The following PVALEF variants were observed in gnomAD, a reference collection of about 807,000 sequenced individuals.
PVALEF encodes parvalbumin like EF-hand containing.
A neutral mutation model predicts 1.2 loss-of-function variants in PVALEF; 2 were observed. The observed-to-expected ratio is 1.68, with a 90% CI of 0.69 to 5.28. The LOEUF is 5.28. Ranked by LOEUF, PVALEF falls within the 30% of genes most tolerant of loss-of-function variation. The probability of loss-of-function intolerance (pLI) is 0.06; values close to 1 mark genes in which losing one functional copy is unlikely to be tolerated. For synonymous variants in PVALEF, 16 were observed against 6.5 expected, an observed-to-expected ratio of 2.47 and a Z score of -2.24; for missense variants, 35 against 17.7, an observed-to-expected ratio of 1.97 and a Z score of -1.75.
In PVALEF at chr17:81,169,779, CAT is replaced by C. The variant is rs1483739439; in HGVS notation, c.-340+2938_-340+2939del. Among the ~76,000 whole-genome samples the C allele has an allele frequency of 2.0e-5, 3 of 151,890 alleles. No homozygotes were observed. In the South Asian group the frequency reaches 6.2e-4, roughly 32 times the overall value. On this transcript the variant is annotated intron_variant, in intron 2 of 6. Transcript: ENST00000637878. ...GTGTGTGTATGCATGTGTGTCTGTG[CAT>C]ATGTGTAGATGTGTGTGTCTTGGTA... is the stretch of plus-strand genomic sequence containing the variant.
intron 2 of PVALEF, among the ~76,000 whole-genome samples, chr17:81,174,714 C>G (rs2061531173): frequency 6.6e-6 from 1 of 152,074 alleles, no homozygotes; most frequent in Non-Finnish European, 1.5e-5. Context: ...CTTTGGGAGG[C>G]CAAGGCGGGT....
chr17:81,181,481 A>T, intron 4 of PVALEF, 78 bp from the exon 5 acceptor site: 1 of 493,184 alleles, frequency 2.0e-6, no homozygotes, highest in Non-Finnish European at 3.5e-6. Context: ...GGCAGCCCCC[A>T]TCCCAGGGCG....
intron 1 of PVALEF, 110 bp downstream of exon 1, chr17:81,165,857 C>T (rs1241725934): frequency 2.0e-6 from 3 of 1,532,598 alleles, no homozygotes; most frequent in Non-Finnish European, 2.6e-6. Flanking sequence ...TCCATGCAAA[C>T]CGGGAGCCGT....
Position 81,181,194 on chromosome 17 carries a change from C to A in PVALEF, c.-33C>A. ...GCACCCCCAATCCGTGCGTGCACCCCACGAATTGACTCCCTATCCACCCAG... is the reference window on the plus strand; with the variant it reads ...GCACCCCCAATCCGTGCGTGCACCCAACGAATTGACTCCCTATCCACCCAG... On this transcript the variant is annotated 5_prime_UTR_variant, in exon 4 of 7. Transcript: ENST00000637878. 1 of 703,116 alleles carries A rather than the reference C, an allele frequency of 1.4e-6. No individual in the cohort carries two copies. The highest frequency in any genetic ancestry group is 1.5e-5 in the South Asian group (1 of 67,416). The allele number at this position is 703,116 out of a possible 1,614,324, so 43.6% of individuals were successfully genotyped here.
At chr17:81,178,679 T>G (rs1362376608) in intron 2 of PVALEF, among the ~76,000 whole-genome samples, 1 of 151,502 alleles carries the variant, frequency 6.6e-6, no homozygotes, top group African/African-American at 2.4e-5. Flanking sequence ...GCACCAGAGC[T>G]GGGGGGGGCA....
intron 2 of PVALEF, among the ~76,000 whole-genome samples, chr17:81,169,987 T>C (rs1327726145): frequency 1.2e-5 from 1 of 84,608 alleles, no homozygotes; most frequent in African/African-American, 4.7e-5. Flanking sequence ...TGTGTGTGCA[T>C]GTGTGTGTGT....
chr17:81,179,086 G>A lies in PVALEF; in HGVS notation c.-171G>A. On this transcript the variant is annotated 5_prime_UTR_variant, in exon 3 of 7. Transcript: ENST00000637878. ...CAGGCTTGCAGGTATAAAAGCTGGA[G>A]CCCCTGGGCCTCTCCACACCCCAGC... 4.4e-6 allele frequency: 2 copies of A among 452,616 alleles called. No homozygotes were observed. Among genetic ancestry groups the A allele is most frequent in the Non-Finnish European group, 8.9e-6 (2 of 223,928 alleles). 28.0% of individuals were successfully genotyped at this position (452,616 alleles called of 1,614,324 possible).
rs1240782396 is a variant in PVALEF at position 81,178,963 on chromosome 17, GT to G, written c.-293del. The G allele has an allele frequency of 2.5e-6, 1 of 401,614 alleles. No homozygotes were observed. The highest frequency in any genetic ancestry group is 7.7e-5 in the East Asian group (1 of 12,998). The allele number at this position is 401,614 out of a possible 1,614,324, so 24.9% of individuals were successfully genotyped here. On this transcript the variant is annotated 5_prime_UTR_variant, in exon 3 of 7. The change creates a premature stop within an existing upstream ORF in the 5' untranslated region. Coordinates refer to ENST00000637878, the MANE Select transcript of PVALEF (RefSeq NM_001354639.2). ...GCTAAGGGTCAGTCTGCCCAGACCA[GT>G]GTGGACACACCAAGTGCCTGCGAGC...
chr17:81,179,202 C>T (rs1252127723), intron 3 of PVALEF, 50 bp downstream of exon 3: 1 of 297,644 alleles, frequency 3.4e-6, no homozygotes, highest in Non-Finnish European at 7.0e-6. Context: ...CTGAGGTTAT[C>T]CGAGCTGGAT....
At chr17:81,179,710 G>T (rs56776739) in intron 3 of PVALEF, among the ~76,000 whole-genome samples, 1 of 152,178 alleles carries the variant, frequency 6.6e-6, no homozygotes, top group East Asian at 1.9e-4. Flanking sequence ...TCTGCCCTTG[G>T]AGACTGGGTG....
At chr17:81,179,740 G>C (rs1292825429) in intron 3 of PVALEF, among the ~76,000 whole-genome samples, 1 of 152,176 alleles carries the variant, frequency 6.6e-6, no homozygotes, top group Non-Finnish European at 1.5e-5. Flanking sequence ...AGTTGCTGTG[G>C]GCAGACCACA....
chr17:81,182,850 C>G (rs1359629061), intron 6 of PVALEF, 115 bp from the exon 7 acceptor site: 1 of 396,102 alleles, frequency 2.5e-6, no homozygotes, highest in Admixed American at 4.4e-5. Context: ...GACAGGACCC[C>G]CTGGACTGTG....
intron 2 of PVALEF, among the ~76,000 whole-genome samples, chr17:81,174,224 C>G (rs1039918883): frequency 2.6e-5 from 4 of 152,186 alleles, no homozygotes; most frequent in Non-Finnish European, 5.9e-5. Context: ...AACTTTTCCT[C>G]TAAGATCAAG....
intron 2 of PVALEF, among the ~76,000 whole-genome samples, chr17:81,176,704 C>T (rs2061536805): frequency 6.6e-6 from 1 of 152,004 alleles, no homozygotes; most frequent in Non-Finnish European, 1.5e-5. Flanking sequence ...TCTACGGCAG[C>T]TCCTCAAACA....
At chr17:81,181,075 T>C in intron 3 of PVALEF, 48 bp from the exon 4 acceptor site, 1 of 559,042 alleles carries the variant, frequency 1.8e-6, no homozygotes, top group Non-Finnish European at 3.2e-6. Context: ...CTCGGGGCCC[T>C]GGCATGACCC....
chr17:81,177,240 CAAAAAAAA>C (rs1163157496), intron 2 of PVALEF, among the ~76,000 whole-genome samples: 1 of 74,016 alleles, frequency 1.4e-5, no homozygotes, highest in Non-Finnish European at 2.4e-5. Context: ...AACTCCATCT[CAAAAAAAA>C]AAAAAAAAAA....
intron 2 of PVALEF, among the ~76,000 whole-genome samples, chr17:81,170,227 A>C (rs1214792990): frequency 6.7e-6 from 1 of 149,002 alleles, no homozygotes; most frequent in Non-Finnish European, 1.5e-5. Flanking sequence ...GTATGTGTGC[A>C]TGTATGTGTA....
In PVALEF at chr17:81,166,514, GA is replaced by G. The variant is rs1337825678; in HGVS notation, c.-507-160del. On this transcript the variant is annotated intron_variant, in intron 1 of 6. Transcript: ENST00000637878. Reference sequence around the variant, plus strand: ...GGCACGGAGGCTGGCGGGGGGGGGGGAAACGGAAGTCGTGAATGGTAAGTCG... The same window carrying G: ...GGCACGGAGGCTGGCGGGGGGGGGGGAACGGAAGTCGTGAATGGTAAGTCG... Among the ~76,000 whole-genome samples, 503 of 87,890 alleles carry G rather than the reference GA, an allele frequency of 5.7e-3. 13 individuals carry two copies. The highest frequency in any genetic ancestry group is 0.02 in the African/African-American group (474 of 23,758). 57.7% of individuals were successfully genotyped at this position (87,890 alleles called of 152,430 possible).
In PVALEF at chr17:81,181,674, C is replaced by T; in HGVS notation, c.222C>T (p.Phe74=). ...FQSLDKDKSG[F]IEWNEIKYIL... ...CCCTGGACAAGGACAAGAGTGGCTT[C>T]ATTGAGTGGAACGAGATCAAGTAAT... The change falls in exon 5 of 7, where the codon TTC becomes TTT. Residue 74 remains phenylalanine (F), a synonymous_variant. Coordinates refer to ENST00000637878, the MANE Select transcript of PVALEF (RefSeq NM_001354639.2). 1 of 404,708 alleles carries T rather than the reference C, an allele frequency of 2.5e-6. No individual in the cohort carries two copies. Among genetic ancestry groups the T allele is most frequent in the Non-Finnish European group, 4.3e-6 (1 of 230,214 alleles). 25.1% of individuals were successfully genotyped at this position (404,708 alleles called of 1,614,324 possible).
Sources: gnomAD v4.1 joint callset for allele counts (sites outside exome capture counted in the v4.1 genomes callset) on GRCh38, gnomAD v4.1.1 for gene constraint, MANE v1.5 for transcripts, NCBI Gene and HGNC (gene_info 2026-07-23, HGNC 2026-07-21) for gene names.